TPO: variants seen among roughly 807,000 people sequenced by gnomAD.
The protein encoded by TPO is thyroid microsomal antigen.
Under a neutral mutation model 96.9 loss-of-function variants are expected in TPO, and 78 were observed. The ratio of observed to expected loss-of-function variants is 0.81; its 90% CI spans 0.67 to 0.97. TPO has a LOEUF of 0.97. Among genes scored for constraint, TPO ranks in the 50% least tolerant of loss-of-function variants. The probability of loss-of-function intolerance (pLI) is 0.00; values close to 1 mark genes in which losing one functional copy is unlikely to be tolerated. For synonymous variants in TPO, 547 were observed against 538.0 expected, an observed-to-expected ratio of 1.02 and a Z score of -0.23; for missense variants, 1,252 against 1,274.8, an observed-to-expected ratio of 0.98 and a Z score of 0.27.
intron 15 of TPO, among the ~76,000 whole-genome samples, chr2:1,532,160 A>C (rs112005524): frequency 0.41 from 24,103 of 58,140 alleles, 2,750 homozygotes; most frequent in Middle Eastern, 0.5. Flanking sequence ...TGTGCAACCT[A>C]CACAAATGCC....
intron 10 of TPO, among the ~76,000 whole-genome samples, chr2:1,491,623 A>G (rs1178460673): frequency 6.6e-6 from 1 of 152,266 alleles, no homozygotes; most frequent in African/African-American, 2.4e-5. Flanking sequence ...TTAATGAAAT[A>G]ACTGCTGTGT....
chr2:1,497,862 T>G (rs1490825957), intron 13 of TPO, among the ~76,000 whole-genome samples: 1 of 152,172 alleles, frequency 6.6e-6, no homozygotes, highest in Non-Finnish European at 1.5e-5. Flanking sequence ...TCCACAGTTT[T>G]CAGTTTTCTC....
intron 15 of TPO, among the ~76,000 whole-genome samples, chr2:1,526,381 T>A (rs1676505884): frequency 5.2e-5 from 1 of 19,202 alleles, no homozygotes. Flanking sequence ...ACCCCCCAAA[T>A]GCCCCCCAAT....
intron 14 of TPO, among the ~76,000 whole-genome samples, chr2:1,508,391 T>C (rs1673706978): frequency 6.6e-6 from 1 of 152,230 alleles, no homozygotes; most frequent in Non-Finnish European, 1.5e-5. Flanking sequence ...AGGATGATGC[T>C]GGCCTCATAA....
At chr2:1,384,771 G>A (rs2148348591) in intron 1 of TPO, among the ~76,000 whole-genome samples, 1 of 152,132 alleles carries the variant, frequency 6.6e-6, no homozygotes, top group East Asian at 1.9e-4. Flanking sequence ...GGTGAGAGAG[G>A]GCATCCCTGT....
intron 10 of TPO, 40 bp from the exon 11 acceptor site, chr2:1,493,762 A>G (rs1304484741): frequency 6.2e-7 from 1 of 1,610,966 alleles, no homozygotes; most frequent in Non-Finnish European, 8.5e-7. Context: ...ACAAAAGTTC[A>G]GTTCTGTGAG....
chr2:1,444,496 G>C (rs1215354897), intron 5 of TPO, among the ~76,000 whole-genome samples: 1 of 121,966 alleles, frequency 8.2e-6, no homozygotes, highest in Non-Finnish European at 1.7e-5. Flanking sequence ...TGTGTTGGAA[G>C]GGAATGGGGC....
At position 1,472,827 on chromosome 2, in the gene TPO, C is replaced by CAAAAAAAAA. The variant is rs34064729; in HGVS notation, c.820-4243_820-4235dup. Among the ~76,000 whole-genome samples the CAAAAAAAAA allele has an allele frequency of 2.3e-4, 11 of 48,332 alleles. 1 individual carries two copies. The highest frequency in any genetic ancestry group is 3.5e-4 in the African/African-American group (4 of 11,332). The allele number at this position is 48,332 out of a possible 152,430, so 31.7% of individuals were successfully genotyped here. On this transcript the variant is annotated intron_variant, in intron 7 of 16. Transcript: ENST00000329066. ...TCATTTTTTTCTGCTTGTTTGGCGG[C>CAAAAAAAAA]AAAAAAAAAAAAAAAAAAAAAAAAG...
intron 8 of TPO, among the ~76,000 whole-genome samples, chr2:1,480,559 T>TCCACACACACACACAC: frequency 2.3e-5 from 1 of 44,362 alleles, no homozygotes; most frequent in South Asian, 1.4e-3. Context: ...TCAAACCCCC[T>TCCACACACACACACAC]ACACACACAC....
chr2:1,528,532 C>T (rs538671691), intron 15 of TPO, among the ~76,000 whole-genome samples: 2 of 143,458 alleles, frequency 1.4e-5, no homozygotes, highest in Admixed American at 6.9e-5. Flanking sequence ...CTGTGTACAA[C>T]CTCCTCAAAT....
chr2:1,488,103 C>G (rs952860437), intron 10 of TPO, 112 bp downstream of exon 10: 5 of 1,492,328 alleles, frequency 3.4e-6, no homozygotes, highest in African/African-American at 1.4e-5. Flanking sequence ...AAATCTGAGG[C>G]CTTCTAAGCA....
intron 10 of TPO, among the ~76,000 whole-genome samples, chr2:1,491,786 A>C (rs1385347762): frequency 2.0e-5 from 3 of 152,116 alleles, no homozygotes; most frequent in African/African-American, 7.2e-5. Context: ...ATTTTGTTGG[A>C]GGTGCTGAGA....
At chr2:1,493,385 C>G (rs1256911856) in intron 10 of TPO, among the ~76,000 whole-genome samples, 1 of 152,126 alleles carries the variant, frequency 6.6e-6, no homozygotes, top group Non-Finnish European at 1.5e-5. Flanking sequence ...GTCTCCAGCT[C>G]CTTTATGAAC....
chr2:1,487,800 C>G, intron 9 of TPO, 21 bp from the exon 10 acceptor site: 2 of 1,614,178 alleles, frequency 1.2e-6, no homozygotes, highest in Non-Finnish European at 1.7e-6. Context: ...CTGTCCTTGC[C>G]TTGTGCATGG....
intron 15 of TPO, among the ~76,000 whole-genome samples, chr2:1,517,573 C>G (rs555290462): frequency 6.7e-6 from 1 of 150,372 alleles, no homozygotes; most frequent in South Asian, 2.2e-4. Context: ...TGCCTCTCAC[C>G]TTGCTGCTGC....
chr2:1,418,108 C>A (rs1293359162), intron 2 of TPO, among the ~76,000 whole-genome samples: 1 of 152,128 alleles, frequency 6.6e-6, no homozygotes, highest in Non-Finnish European at 1.5e-5. Context: ...CATGGCAAAA[C>A]CCCATCTCTA....
At chr2:1,474,760 G>T (rs1332035532) in intron 7 of TPO, among the ~76,000 whole-genome samples, 2 of 152,120 alleles carry the variant, frequency 1.3e-5, no homozygotes, top group Non-Finnish European at 2.9e-5. Flanking sequence ...TCTCCTGCAT[G>T]CCTGAGCCCT....
Position 1,453,703 on chromosome 2 carries a change from C to A in TPO, c.492C>A (p.Pro164=). The A allele has an allele frequency of 6.2e-7, 1 of 1,613,992 alleles. No homozygotes were observed. The highest frequency in any genetic ancestry group is 8.5e-7 in the Non-Finnish European group (1 of 1,180,048). ...ITGACNNRDH[P]RWGASNTALA... ...GCATTTGTCTCCACAGAGACCACCC[C>A]AGATGGGGCGCCTCCAACACGGCCC... Residue 164 remains proline (P), a synonymous_variant, in exon 6 of 17, where the codon CCC becomes CCA. Coordinates refer to ENST00000329066, the MANE Select transcript of TPO (RefSeq NM_001206744.2).
At chr2:1,515,190 C>T (rs78129978) in intron 14 of TPO, among the ~76,000 whole-genome samples, 15 of 152,226 alleles carry the variant, frequency 9.9e-5, no homozygotes, top group African/African-American at 3.1e-4. Context: ...CCCCCAGCCC[C>T]AGGCACACAG....
Sources: gnomAD v4.1 joint callset for allele counts (sites outside exome capture counted in the v4.1 genomes callset) on GRCh38, gnomAD v4.1.1 for gene constraint, MANE v1.5 for transcripts, NCBI Gene and HGNC (gene_info 2026-07-23, HGNC 2026-07-21) for gene names.